Variants in KCNC4 observed in about 807,000 individuals in gnomAD.
KCNC4 encodes voltage-gated potassium channel KCNC4.
KCNC4 carries 23 observed loss-of-function variants against 42.8 expected under a neutral mutation model. The observed-to-expected ratio is 0.54, with a 90% CI of 0.39 to 0.76. The LOEUF (loss-of-function observed/expected upper bound fraction) is 0.76. KCNC4 is among the 30% of genes least tolerant of loss of function. The pLI, the probability that KCNC4 is intolerant of heterozygous loss-of-function variation, is 0.00. For missense variants in KCNC4, 751 were observed against 898.2 expected, an observed-to-expected ratio of 0.84 and a Z score of 2.10; for synonymous variants, 422 against 393.5, an observed-to-expected ratio of 1.07 and a Z score of -0.86.
intron 1 of KCNC4, among the ~76,000 whole-genome samples, chr1:110,214,183 G>A (rs1657656544): frequency 6.6e-6 from 1 of 152,236 alleles, no homozygotes; most frequent in Admixed American, 6.5e-5. Flanking sequence ...AGGCATTCCA[G>A]TTGAGGTCTT....
At chr1:110,251,943 T>TG (rs1272824400), downstream of KCNC4, among the ~76,000 whole-genome samples, 1 of 152,208 alleles carries the variant, frequency 6.6e-6, no homozygotes, top group Non-Finnish European at 1.5e-5. Context: ...ATGGGTCTAA[T>TG]GGGGGCCCCA....
intron 1 of KCNC4, among the ~76,000 whole-genome samples, chr1:110,262,500 C>T (rs987330701): frequency 6.6e-6 from 1 of 152,224 alleles, no homozygotes; most frequent in Non-Finnish European, 1.5e-5. Context: ...TGATCTGCAG[C>T]CGCTGCATTT....
chr1:110,278,678 C>T lies in KCNC4; in HGVS notation n.31-3856C>T, dbSNP rs74118461. The stretch of plus-strand genomic sequence containing the variant: ...TTTATTTCAGGTACCAGGAAGGTGC[C>T]CTGCTTCTGTGCCTACGTCCTGAAC... On this transcript the variant is annotated intron_variant and non_coding_transcript_variant, in intron 1 of 2. Transcript: ENST00000412512. Among the ~76,000 whole-genome samples, 1,488 of 152,152 alleles carry T rather than the reference C, an allele frequency of 9.8e-3. 22 individuals are homozygous for T. Among genetic ancestry groups the T allele is most frequent in the African/African-American group, 0.032 (1,331 of 41,476 alleles).
intron 1 of KCNC4, among the ~76,000 whole-genome samples, chr1:110,279,402 T>A (rs1262917700): frequency 2.0e-5 from 3 of 152,180 alleles, no homozygotes; most frequent in Admixed American, 2.0e-4. Flanking sequence ...GCAAGTTCTG[T>A]CTCATTCACT....
rs910232906 is a variant in KCNC4 at position 110,258,453 on chromosome 1, G to A, written n.31-24081G>A. Among the ~76,000 whole-genome samples the A allele has an allele frequency of 8.5e-5, 13 of 152,244 alleles. No homozygotes were observed. The South Asian group carries it at 2.7e-3, about 32-fold the overall frequency. ...AGGTTTCACCACATTGGCCAGGATG[G>A]TCTCGATCTCTTGACCTCATGATCC... On this transcript the variant is annotated intron_variant and non_coding_transcript_variant, in intron 1 of 2. Transcript: ENST00000412512.
intron 1 of KCNC4, among the ~76,000 whole-genome samples, chr1:110,270,339 TCAGGGAA>T (rs1160252068): frequency 5.3e-5 from 8 of 152,176 alleles, no homozygotes; most frequent in Non-Finnish European, 1.0e-4. Context: ...AGCAGATCCC[TCAGGGAA>T]CAAGCTACTG....
intron 1 of KCNC4, among the ~76,000 whole-genome samples, chr1:110,263,775 C>G (rs760801692): frequency 2.1e-5 from 3 of 144,264 alleles, no homozygotes; most frequent in Non-Finnish European, 4.7e-5. Flanking sequence ...TGGAAGGCAA[C>G]CAGCCTTCCT....
At chr1:110,278,256 T>C (rs752653894) in intron 1 of KCNC4, among the ~76,000 whole-genome samples, 8 of 152,204 alleles carry the variant, frequency 5.3e-5, no homozygotes, top group Non-Finnish European at 1.2e-4. Context: ...AAATGTCCCT[T>C]GGGCAGATCA....
At chr1:110,257,578 A>T (rs1335979471) in intron 1 of KCNC4, among the ~76,000 whole-genome samples, 1 of 151,754 alleles carries the variant, frequency 6.6e-6, no homozygotes, top group Non-Finnish European at 1.5e-5. Flanking sequence ...AAAATTAGCC[A>T]GGCAAGGTGG....
rs1657424923 is a variant in KCNC4, at chr1:110,211,219, G to C, written c.-281G>C. The C allele has an allele frequency of 2.1e-6, 1 of 467,220 alleles. No individual in the cohort carries two copies. The highest frequency in any genetic ancestry group is 2.0e-5 in the African/African-American group (1 of 50,472). The allele number at this position is 467,220 out of a possible 1,614,324, so 28.9% of individuals were successfully genotyped here. A position where few individuals can be genotyped will look rare whatever the true frequency, so the allele number is the denominator to read the frequency against. Reference sequence around the variant, plus strand: ...GTGTCCCGTCGTAGCGGGGGACCGCGTGTGTGCTTGCTTCTACTTCCCCGG... The same window carrying C: ...GTGTCCCGTCGTAGCGGGGGACCGCCTGTGTGCTTGCTTCTACTTCCCCGG... On this transcript the variant is annotated 5_prime_UTR_variant, in exon 1 of 4. Coordinates refer to ENST00000438661, the MANE Select transcript of KCNC4 (RefSeq NM_001039574.3). This position sits in a 1 kb window ranked among gnomAD's most constrained non-coding sequence, Gnocchi z 6.5.
At chr1:110,263,261 C>T (rs1167298725) in intron 1 of KCNC4, among the ~76,000 whole-genome samples, 1 of 152,138 alleles carries the variant, frequency 6.6e-6, no homozygotes, top group Non-Finnish European at 1.5e-5. Flanking sequence ...GTAATAACAG[C>T]TGTTCTGGGC....
chr1:110,230,786 C>G (rs1658654658), intron 3 of KCNC4, among the ~76,000 whole-genome samples: 1 of 152,202 alleles, frequency 6.6e-6, no homozygotes, highest in Non-Finnish European at 1.5e-5. Context: ...CCCTTACAAC[C>G]TCTCAGCACC....
At chr1:110,250,737 C>T (rs1659236046), downstream of KCNC4, among the ~76,000 whole-genome samples, 1 of 152,074 alleles carries the variant, frequency 6.6e-6, no homozygotes, top group Non-Finnish European at 1.5e-5. Flanking sequence ...CAGCAAGGCC[C>T]CCAAGGGAAA....
chr1:110,259,320 C>T (rs1281470543), intron 1 of KCNC4, among the ~76,000 whole-genome samples: 4 of 152,138 alleles, frequency 2.6e-5, no homozygotes, highest in East Asian at 1.9e-4. Flanking sequence ...TGAGAGGGGA[C>T]GGTGGACAAG....
exon 4 of KCNC4, chr1:110,245,297 A>G (rs1659121989): frequency 1.3e-5 from 2 of 152,246 alleles, no homozygotes; most frequent in African/African-American, 4.8e-5. Flanking sequence ...TTAATAAAAT[A>G]TTTGACATTT....
intron 1 of KCNC4, among the ~76,000 whole-genome samples, chr1:110,216,158 C>T (rs879297094): frequency 1.8e-4 from 27 of 152,340 alleles, no homozygotes; most frequent in Admixed American, 1.2e-3. Flanking sequence ...CCTGCCTGCC[C>T]GCTTCTGAAG....
intron 3 of KCNC4, among the ~76,000 whole-genome samples, chr1:110,230,782 C>G (rs2101038265): frequency 6.6e-6 from 1 of 152,330 alleles, no homozygotes. Flanking sequence ...TCTGCCCTTA[C>G]AACCTCTCAG....
At chr1:110,212,295 G>C in intron 1 of KCNC4, 118 bp downstream of exon 1, 1 of 1,117,054 alleles carries the variant, frequency 9.0e-7, no homozygotes, top group Non-Finnish European at 1.2e-6. Flanking sequence ...ACCGCAGATT[G>C]TTCCCGCCTT....
At chr1:110,275,451 C>T (rs1659701136) in intron 1 of KCNC4, among the ~76,000 whole-genome samples, 1 of 152,146 alleles carries the variant, frequency 6.6e-6, no homozygotes, top group South Asian at 2.1e-4. Context: ...AACAGTATGG[C>T]TATTTCTCAA....
Sources: allele counts gnomAD v4.1 joint callset (sites outside exome capture counted in the v4.1 genomes callset), GRCh38; gene constraint gnomAD v4.1.1; non-coding constraint Gnocchi (gnomAD v3.1); transcripts MANE v1.5; gene names NCBI Gene and HGNC (gene_info 2026-07-23, HGNC 2026-07-21).